TNIK: variants seen among roughly 807,000 people sequenced by gnomAD.
TNIK encodes TRAF2 and NCK interacting kinase, also known as TRAF2 and NCK-interacting protein kinase.
A neutral mutation model predicts 191.3 loss-of-function variants in TNIK; 49 were observed. That is an observed-to-expected ratio of 0.26 (90% CI 0.20 to 0.32). TNIK has a LOEUF of 0.32. Among genes scored for constraint, TNIK ranks in the 10% least tolerant of loss-of-function variants. TNIK has a pLI of 1.00. For synonymous variants in TNIK, 594 were observed against 600.9 expected (o/e 0.99, Z 0.17); for missense variants, 1,155 against 1,702.3 (o/e 0.68, Z 5.66).
At chr3:171,223,375 G>A (rs912443627) in intron 3 of TNIK, among the ~76,000 whole-genome samples, 4 of 152,200 alleles carry the variant, frequency 2.6e-5, no homozygotes, top group Non-Finnish European at 5.9e-5. Context: ...GTGTTACTGT[G>A]AGCAGGCAAA....
At chr3:171,181,056 G>A (rs1736590846) in intron 7 of TNIK, among the ~76,000 whole-genome samples, 1 of 152,274 alleles carries the variant, frequency 6.6e-6, no homozygotes, top group Non-Finnish European at 1.5e-5. Flanking sequence ...GGCTCAGGCT[G>A]GTCTTGAACT....
intron 2 of TNIK, among the ~76,000 whole-genome samples, chr3:171,339,213 G>A (rs1757277123): frequency 6.6e-6 from 1 of 152,208 alleles, no homozygotes; most frequent in South Asian, 2.1e-4. Flanking sequence ...TGTGTGGGCT[G>A]AGGCAAATCT....
chr3:171,122,357 T>G (rs974685849), intron 18 of TNIK, among the ~76,000 whole-genome samples: 4 of 152,220 alleles, frequency 2.6e-5, no homozygotes, highest in African/African-American at 4.8e-5. Context: ...GATCCAGCAC[T>G]AACGTTCCCT....
At chr3:171,219,140 T>C (rs997428508) in intron 3 of TNIK, among the ~76,000 whole-genome samples, 5 of 134,286 alleles carry the variant, frequency 3.7e-5, no homozygotes, top group Non-Finnish European at 7.7e-5. Context: ...ATTATAAATA[T>C]ATATTATAAA....
chr3:171,392,468 G>A (rs941888781), intron 1 of TNIK, among the ~76,000 whole-genome samples: 14 of 152,228 alleles, frequency 9.2e-5, no homozygotes, highest in African/African-American at 2.4e-4. Flanking sequence ...GACCATCAGC[G>A]TTGATCATAT....
chr3:171,392,164 A>C (rs1560013391), intron 1 of TNIK, among the ~76,000 whole-genome samples: 1 of 152,242 alleles, frequency 6.6e-6, no homozygotes, highest in Admixed American at 6.5e-5. Flanking sequence ...ATTACATTTC[A>C]TAGGACACTG....
intron 12 of TNIK, among the ~76,000 whole-genome samples, chr3:171,141,302 G>A (rs892186043): frequency 1.3e-5 from 2 of 152,200 alleles, no homozygotes; most frequent in African/African-American, 4.8e-5. Context: ...GGTACGGAGA[G>A]ATTAAGTAAT....
intron 2 of TNIK, among the ~76,000 whole-genome samples, chr3:171,298,114 T>C (rs1752507225): frequency 6.6e-6 from 1 of 152,198 alleles, no homozygotes; most frequent in Non-Finnish European, 1.5e-5. Context: ...TATGAACAAG[T>C]ACAAAATGAT....
chr3:171,191,888 G>A (rs1308551412), intron 5 of TNIK, among the ~76,000 whole-genome samples: 1 of 152,182 alleles, frequency 6.6e-6, no homozygotes, highest in Admixed American at 6.5e-5. Flanking sequence ...TAAAAATGGA[G>A]TCTTAAAGCA....
At chr3:171,075,970 T>A (rs746508045) in intron 28 of TNIK, among the ~76,000 whole-genome samples, 2 of 152,182 alleles carry the variant, frequency 1.3e-5, no homozygotes. Flanking sequence ...ATACCTGACC[T>A]CACGATCCAC....
rs529073188 is a variant in TNIK at position 171,294,648 on chromosome 3, G to A, written c.124-66427C>T. On this transcript the variant is annotated intron_variant, in intron 2 of 32. Transcript: ENST00000436636. The stretch of plus-strand genomic sequence containing the variant: ...AGGCAGGAGAATCACTTGAACCCGG[G>A]AAACGGAGGTTGCAGTGAGCCAGGA... 4.6e-5 allele frequency among the ~76,000 whole-genome samples: 7 copies of A among 152,214 alleles called. No individual in the cohort carries two copies. In the South Asian group the frequency reaches 8.3e-4, roughly 18 times the overall value.
At chr3:171,151,324 TC>T (rs1180345517) in intron 12 of TNIK, among the ~76,000 whole-genome samples, 3 of 152,334 alleles carry the variant, frequency 2.0e-5, no homozygotes, top group Admixed American at 1.3e-4. Flanking sequence ...CAAATATTCT[TC>T]CCGAAGCATA....
intron 2 of TNIK, among the ~76,000 whole-genome samples, chr3:171,358,131 A>G (rs1170833957): frequency 6.6e-6 from 1 of 152,224 alleles, no homozygotes; most frequent in Non-Finnish European, 1.5e-5. Flanking sequence ...TTGCTGCTTT[A>G]AAAAATAGTT....
At chr3:171,090,430 T>C (rs1316248563) in intron 23 of TNIK, among the ~76,000 whole-genome samples, 1 of 121,760 alleles carries the variant, frequency 8.2e-6, no homozygotes, top group Non-Finnish European at 1.8e-5. Flanking sequence ...TTTCTTTCTT[T>C]TTTTTTTTTT....
intron 18 of TNIK, among the ~76,000 whole-genome samples, chr3:171,120,769 A>T (rs1224358008): frequency 3.3e-5 from 5 of 152,168 alleles, no homozygotes; most frequent in Non-Finnish European, 7.4e-5. Flanking sequence ...TTGTCTTAAA[A>T]TTGTGGTCCC....
intron 18 of TNIK, among the ~76,000 whole-genome samples, chr3:171,118,257 A>C (rs531602992): frequency 1.3e-5 from 2 of 152,320 alleles, no homozygotes; most frequent in East Asian, 3.9e-4. Flanking sequence ...CTTCAAGGAG[A>C]ACTACAAACC....
chr3:171,412,998 C>T (rs1221223634), intron 1 of TNIK, among the ~76,000 whole-genome samples: 1 of 152,186 alleles, frequency 6.6e-6, no homozygotes, highest in Non-Finnish European at 1.5e-5. Flanking sequence ...CAAACTATAC[C>T]TTGGCGAGAA....
chr3:171,404,484 C>G (rs1350683366), intron 1 of TNIK, among the ~76,000 whole-genome samples: 2 of 151,874 alleles, frequency 1.3e-5, no homozygotes, highest in Non-Finnish European at 2.9e-5. Flanking sequence ...ATCTGATCTT[C>G]CAAATGCTTG....
At chr3:171,363,058 C>T (rs570503641) in intron 2 of TNIK, among the ~76,000 whole-genome samples, 1 of 152,048 alleles carries the variant, frequency 6.6e-6, no homozygotes. Context: ...GTTTTACCCC[C>T]ACAGAAGACA....
Sources: gnomAD v4.1 joint callset for allele counts (sites outside exome capture counted in the v4.1 genomes callset) on GRCh38, gnomAD v4.1.1 for gene constraint, MANE v1.5 for transcripts, NCBI Gene and HGNC (gene_info 2026-07-23, HGNC 2026-07-21) for gene names.